Variants in CEP57L1 observed in about 807,000 individuals in gnomAD.
CEP57L1 encodes the protein centrosomal protein CEP57L1.
A neutral mutation model predicts 61.0 loss-of-function variants in CEP57L1; 37 were observed. That is an observed-to-expected ratio of 0.61 (90% CI 0.47 to 0.80). The LOEUF is 0.80. CEP57L1 is among the 30% of genes least tolerant of loss of function. CEP57L1 has a pLI of 0.00. For missense variants in CEP57L1, 422 were observed against 524.7 expected (o/e 0.80, Z 1.91); for synonymous variants, 137 against 162.3 (o/e 0.84, Z 1.19).
intron 7 of CEP57L1, 45 bp from the exon 8 acceptor site, chr6:109,158,980 T>A (rs1399921026): frequency 1.9e-6 from 3 of 1,564,662 alleles, no homozygotes; most frequent in Non-Finnish European, 2.6e-6. Context: ...GTAAATAACT[T>A]TTAAAATAAT....
intron 1 of CEP57L1, among the ~76,000 whole-genome samples, chr6:109,136,514 T>C (rs1770702024): frequency 6.7e-6 from 1 of 149,784 alleles, no homozygotes; most frequent in Non-Finnish European, 1.5e-5. Flanking sequence ...TGTATACATA[T>C]GTAACAAACC....
chr6:109,109,327 T>C (rs1479678720), intron 1 of CEP57L1, among the ~76,000 whole-genome samples: 2 of 152,212 alleles, frequency 1.3e-5, no homozygotes, highest in Non-Finnish European at 2.9e-5. Flanking sequence ...ATATTAAAGA[T>C]ACTGACAAGA....
Position 109,150,115 on chromosome 6 carries a change from T to C in CEP57L1, c.341-3T>C. On this transcript the variant is annotated splice_region_variant and splice_polypyrimidine_tract_variant and intron_variant, in intron 3 of 10. Transcript: ENST00000517392. ...TCCTAATTGAATACCCTTTATTTCA[T>C]AGATATAAGTATACAGTTAAGCTCA... 6.4e-7 allele frequency: 1 copy of C among 1,562,044 alleles called. No individual in the cohort carries two copies. The highest frequency in any genetic ancestry group is 8.8e-7 in the Non-Finnish European group (1 of 1,137,104).
At chr6:109,111,903 A>T (rs1015186054) in intron 1 of CEP57L1, among the ~76,000 whole-genome samples, 3 of 152,188 alleles carry the variant, frequency 2.0e-5, no homozygotes, top group Admixed American at 6.5e-5. Flanking sequence ...AAGCTTTTTC[A>T]TGTGCTGCTG....
At chr6:109,158,993 CTT>C (rs1381978388) in intron 7 of CEP57L1, 30 bp from the exon 8 acceptor site, 1 of 1,578,300 alleles carries the variant, frequency 6.3e-7, no homozygotes, top group Non-Finnish European at 8.6e-7. Context: ...AAAATAATTT[CTT>C]GTTTACGTTT....
At chr6:109,099,200 T>G (rs1268867358) in intron 1 of CEP57L1, among the ~76,000 whole-genome samples, 2 of 152,154 alleles carry the variant, frequency 1.3e-5, no homozygotes, top group Non-Finnish European at 2.9e-5. Flanking sequence ...GATATAATTT[T>G]GGATTTTATA....
At chr6:109,095,661 T>G in intron 1 of CEP57L1, 86 bp downstream of exon 1, 2 of 870,098 alleles carry the variant, frequency 2.3e-6, no homozygotes, top group Non-Finnish European at 2.8e-6. Context: ...GACAAAGCCA[T>G]CTAGGGTGGC....
chr6:109,098,273 A>G (rs1056768798), intron 1 of CEP57L1, among the ~76,000 whole-genome samples: 1 of 151,998 alleles, frequency 6.6e-6, no homozygotes, highest in Non-Finnish European at 1.5e-5. Context: ...TCGGCCTCCC[A>G]AGTAGCTGGG....
chr6:109,161,906 C>T (rs946558715), intron 10 of CEP57L1, among the ~76,000 whole-genome samples: 2 of 151,858 alleles, frequency 1.3e-5, no homozygotes, highest in African/African-American at 2.4e-5. Context: ...CTAGGTACTC[C>T]CCCAAAGTCT....
At chr6:109,139,317 A>T (rs951105592) in intron 1 of CEP57L1, among the ~76,000 whole-genome samples, 1 of 152,180 alleles carries the variant, frequency 6.6e-6, no homozygotes, top group East Asian at 1.9e-4. Context: ...AGTTTAAAAA[A>T]TTTTGAGACA....
intron 1 of CEP57L1, among the ~76,000 whole-genome samples, chr6:109,104,310 AT>A (rs1770663287): frequency 6.7e-6 from 1 of 148,824 alleles, no homozygotes; most frequent in South Asian, 2.2e-4. Context: ...ATGTATATTT[AT>A]TTAAAAAAAA....
chr6:109,130,999 T>C (rs1220340736), intron 1 of CEP57L1, among the ~76,000 whole-genome samples: 3 of 152,214 alleles, frequency 2.0e-5, no homozygotes, highest in African/African-American at 7.2e-5. Context: ...TTAGCAGCTA[T>C]TGATGCTTCT....
chr6:109,154,730 A>G (rs574834866), intron 5 of CEP57L1, among the ~76,000 whole-genome samples: 1 of 152,144 alleles, frequency 6.6e-6, no homozygotes, highest in African/African-American at 2.4e-5. Flanking sequence ...GGTTCCAAAC[A>G]CTTAAGATAA....
chr6:109,139,298 G>T (rs111945239), intron 1 of CEP57L1, among the ~76,000 whole-genome samples: 4 of 152,018 alleles, frequency 2.6e-5, no homozygotes, highest in African/African-American at 7.2e-5. Context: ...AATGGTTTCT[G>T]GTATTTTCAG....
Position 109,159,119 on chromosome 6 carries a change from T to C in CEP57L1, c.822+17T>C, listed in dbSNP as rs776445211. ...GCTGAAAAGGTGAGAGGGGATAAAATGAAGATAGTCGTTCAAAAAAACTCC... is the reference window on the plus strand; with the variant it reads ...GCTGAAAAGGTGAGAGGGGATAAAACGAAGATAGTCGTTCAAAAAAACTCC... On this transcript the variant is annotated intron_variant, in intron 8 of 10. Transcript: ENST00000517392. The C allele has an allele frequency of 3.1e-6, 5 of 1,613,922 alleles. No homozygotes were observed. The highest frequency in any genetic ancestry group is 2.7e-5 in the African/African-American group (2 of 74,922).
At chr6:109,114,687 ATGGGAAGAGAGG>A (rs1303196561) in intron 1 of CEP57L1, among the ~76,000 whole-genome samples, 1 of 152,112 alleles carries the variant, frequency 6.6e-6, no homozygotes, top group East Asian at 1.9e-4. Flanking sequence ...GGGGCAGGGG[ATGGGAAGAGAGG>A]TGGGAGAGTT....
At position 109,120,579 on chromosome 6, in the gene CEP57L1, A is replaced by T. The variant is rs1323472598; in HGVS notation, c.-3-24640A>T. ...CTTTCTGTGCTGTTTAAGTTTTGTT[A>T]CCTGTGGATATTAAAAAACATGTTA... is the stretch of plus-strand genomic sequence containing the variant. On this transcript the variant is annotated intron_variant, in intron 1 of 10. Transcript: ENST00000517392. Among the ~76,000 whole-genome samples, 3 of 152,232 alleles carry T rather than the reference A, an allele frequency of 2.0e-5. No homozygotes were observed. The East Asian group carries it at 5.8e-4, about 29-fold the overall frequency.
At chr6:109,101,937 G>A (rs1472645585) in intron 1 of CEP57L1, among the ~76,000 whole-genome samples, 1 of 152,116 alleles carries the variant, frequency 6.6e-6, no homozygotes, top group Non-Finnish European at 1.5e-5. Context: ...GTTTTTCAAA[G>A]CAGCAGTACC....
At position 109,155,771 on chromosome 6, in the gene CEP57L1, C is replaced by CT. The variant is rs746408831; in HGVS notation, c.658-12dup. 7.5e-5 allele frequency: 97 copies of CT among 1,292,842 alleles called. No individual in the cohort carries two copies. Among genetic ancestry groups the CT allele is most frequent in the Non-Finnish European group, 9.5e-5 (86 of 903,900 alleles). The allele number at this position is 1,292,842 out of a possible 1,614,324, so 80.1% of individuals were successfully genotyped here. ...GCATGTTACAAATCAATGTTATAAC[C>CT]TTTTTTTTAAATATTACAGCTTCAA... On this transcript the variant is annotated intron_variant, in intron 6 of 10. Coordinates refer to ENST00000517392, the MANE Select transcript of CEP57L1 (RefSeq NM_001271852.3).
Sources: gnomAD v4.1 joint callset for allele counts (sites outside exome capture counted in the v4.1 genomes callset) on GRCh38, gnomAD v4.1.1 for gene constraint, MANE v1.5 for transcripts, NCBI Gene and HGNC (gene_info 2026-07-23, HGNC 2026-07-21) for gene names.